Variants in BCAS3 observed in about 807,000 individuals in gnomAD.
The protein encoded by BCAS3 is BCAS4/BCAS3 fusion.
Under a neutral mutation model 116.1 loss-of-function variants are expected in BCAS3, and 53 were observed. The ratio of observed to expected loss-of-function variants is 0.46; its 90% CI spans 0.37 to 0.57. BCAS3 has a LOEUF of 0.57. BCAS3 is among the 20% of genes least tolerant of loss of function. The pLI is 0.00. For missense variants in BCAS3, 917 were observed against 1,165.4 expected (o/e 0.79, Z 3.10); for synonymous variants, 391 against 408.2 (o/e 0.96, Z 0.51).
At chr17:61,331,672 A>G (rs964678869) in intron 22 of BCAS3, among the ~76,000 whole-genome samples, 1 of 152,220 alleles carries the variant, frequency 6.6e-6, no homozygotes, top group Non-Finnish European at 1.5e-5. Flanking sequence ...GGAAGGAAAA[A>G]AAGAAAAAGG....
chr17:60,810,965 TG>T (rs2048755168), intron 7 of BCAS3: 3 of 677,680 alleles, frequency 4.4e-6, no homozygotes, highest in Non-Finnish European at 8.2e-6. Context: ...CAAGAGGAGC[TG>T]GACAAGTACT....
Position 61,194,850 on chromosome 17 carries a change from C to A in BCAS3, c.2425+110286C>A, listed in dbSNP as rs190548492. Among the ~76,000 whole-genome samples the A allele has an allele frequency of 2.0e-5, 3 of 151,850 alleles. No individual in the cohort carries two copies. The East Asian group carries it at 5.8e-4, about 29-fold the overall frequency. The stretch of plus-strand genomic sequence containing the variant: ...TGAAAATGCCTATATTAGGAAATAT[C>A]TTCACTTTCCATCTCCAGCTCCCCT... On this transcript the variant is annotated intron_variant, in intron 22 of 23. Coordinates refer to ENST00000407086, the MANE Select transcript of BCAS3 (RefSeq NM_017679.5).
intron 16 of BCAS3, among the ~76,000 whole-genome samples, chr17:61,033,509 G>A (rs1043994492): frequency 5.9e-5 from 9 of 152,108 alleles, no homozygotes; most frequent in African/African-American, 2.2e-4. Flanking sequence ...TGCCAGCACT[G>A]GGATTCAACT....
rs76185121 is a variant in BCAS3 at position 61,158,561 on chromosome 17, T to C, written c.2425+73997T>C. 2.6e-4 allele frequency among the ~76,000 whole-genome samples: 40 copies of C among 152,340 alleles called. No homozygotes were observed. The East Asian group carries it at 7.7e-3, about 29-fold the overall frequency. On this transcript the variant is annotated intron_variant, in intron 22 of 23. Transcript: ENST00000407086. ...ACTGAGGTTAGACAGATTGCATTAC[T>C]CTTGCATCAAATATCATGCTATCTT...
At position 61,008,075 on chromosome 17, in the gene BCAS3, T is replaced by G. The variant is rs1299645437; in HGVS notation, c.1487-7676T>G. On this transcript the variant is annotated intron_variant, in intron 15 of 23. Transcript: ENST00000407086. This position sits in a 1 kb window ranked among gnomAD's most constrained non-coding sequence, Gnocchi z 4.6. ...ACACACACACACACATAAAATTCAT[T>G]TTCTTTTAGTGTGTGTTCTACTCTC... 1.3e-5 allele frequency among the ~76,000 whole-genome samples: 2 copies of G among 152,052 alleles called. No homozygotes were observed. The highest frequency in any genetic ancestry group is 4.8e-5 in the African/African-American group (2 of 41,420).
intron 22 of BCAS3, among the ~76,000 whole-genome samples, chr17:61,094,367 C>T (rs947464084): frequency 3.3e-4 from 50 of 152,298 alleles, no homozygotes; most frequent in African/African-American, 1.1e-3. Context: ...CTGAATAAAA[C>T]AAACTATGTT....
At chr17:60,694,647 ATTT>A (rs112280067) in intron 4 of BCAS3, among the ~76,000 whole-genome samples, 1 of 142,590 alleles carries the variant, frequency 7.0e-6, no homozygotes, top group African/African-American at 2.6e-5. Context: ...CATGGTCTTA[ATTT>A]TTTTTTTTTT....
chr17:60,740,847 G>A (rs933933943), intron 5 of BCAS3, among the ~76,000 whole-genome samples: 14 of 152,122 alleles, frequency 9.2e-5, no homozygotes, highest in African/African-American at 3.4e-4. Flanking sequence ...ATCTGGTCTG[G>A]CATGTTTCAA....
chr17:60,958,484 A>G (rs1163493030), intron 14 of BCAS3, among the ~76,000 whole-genome samples: 1 of 152,240 alleles, frequency 6.6e-6, no homozygotes, highest in South Asian at 2.1e-4. Flanking sequence ...AGTGTATACT[A>G]CTGACATTCA....
rs1224757396 is a variant in BCAS3 at position 61,233,580 on chromosome 17, G to T, written c.2426-134747G>T. On this transcript the variant is annotated intron_variant, in intron 22 of 23. Transcript: ENST00000407086. This position sits in a 1 kb window ranked among gnomAD's most constrained non-coding sequence, Gnocchi z 4.3. Reference sequence around the variant, plus strand: ...TTGATTTGGAGATGAAGCATATACCGAACTTGAAGACTGGAGAGGTATTTT... The same window carrying T: ...TTGATTTGGAGATGAAGCATATACCTAACTTGAAGACTGGAGAGGTATTTT... 6.6e-6 allele frequency among the ~76,000 whole-genome samples: 1 copy of T among 152,194 alleles called. No homozygotes were observed. Among genetic ancestry groups the T allele is most frequent in the South Asian group, 2.1e-4 (1 of 4,826 alleles).
At position 61,105,530 on chromosome 17, in the gene BCAS3, T is replaced by A; in HGVS notation, c.2425+20966T>A. ...AGCTCTGTCTCCTAGATTCAAGTGA[T>A]TCTCCTGCCTCAGCCCCATGAGTAG... On this transcript the variant is annotated intron_variant, in intron 22 of 23. Transcript: ENST00000407086. The surrounding 1 kb of genome is among the most constrained non-coding windows in gnomAD (Gnocchi z 4.3). Among the ~76,000 whole-genome samples the A allele has an allele frequency of 6.6e-6, 1 of 152,218 alleles. No homozygotes were observed. Among genetic ancestry groups the A allele is most frequent in the Non-Finnish European group, 1.5e-5 (1 of 68,020 alleles).
chr17:61,214,308 G>C lies in BCAS3; in HGVS notation c.2425+129744G>C, dbSNP rs1017079229. On this transcript the variant is annotated intron_variant, in intron 22 of 23. Transcript: ENST00000407086. The surrounding 1 kb of genome is among the most constrained non-coding windows in gnomAD (Gnocchi z 4.4). ...TTTGAACCTGGGAGGTGGAGGTTGC[G>C]GTGAGCTGAGATCATGCCATTGCAC... Among the ~76,000 whole-genome samples the C allele has an allele frequency of 1.3e-5, 2 of 151,752 alleles. No homozygotes were observed. The highest frequency in any genetic ancestry group is 2.9e-5 in the Non-Finnish European group (2 of 67,958).
intron 16 of BCAS3, among the ~76,000 whole-genome samples, chr17:61,024,892 C>T (rs2066123883): frequency 6.6e-6 from 1 of 151,898 alleles, no homozygotes; most frequent in Non-Finnish European, 1.5e-5. Context: ...TATAATAAAT[C>T]AATATGCTGA....
Position 61,126,099 on chromosome 17 carries a change from C to T in BCAS3, c.2425+41535C>T, listed in dbSNP as rs2076033958. On this transcript the variant is annotated intron_variant, in intron 22 of 23. Coordinates refer to ENST00000407086, the MANE Select transcript of BCAS3 (RefSeq NM_017679.5). The surrounding 1 kb of genome is among the most constrained non-coding windows in gnomAD (Gnocchi z 4.6). ...TAATAAATTGTGAATGAATCTTTTG[C>T]TTTTTACTTAAGATTACTTTATCCT... is the stretch of plus-strand genomic sequence containing the variant. Among the ~76,000 whole-genome samples the T allele has an allele frequency of 6.6e-6, 1 of 152,098 alleles. No individual in the cohort carries two copies.
intron 22 of BCAS3, among the ~76,000 whole-genome samples, chr17:61,191,069 A>AAAT (rs961341022): frequency 2.0e-5 from 3 of 151,836 alleles, no homozygotes; most frequent in Non-Finnish European, 2.9e-5. Flanking sequence ...GACACTGTCA[A>AAAT]AATAATAATA....
intron 21 of BCAS3, among the ~76,000 whole-genome samples, chr17:61,080,005 A>C (rs2072425977): frequency 1.3e-5 from 2 of 149,528 alleles, no homozygotes; most frequent in South Asian, 2.1e-4. Flanking sequence ...CCTGTATTCA[A>C]GCGATTCTCC....
chr17:61,089,444 G>T (rs1295576080), intron 22 of BCAS3, among the ~76,000 whole-genome samples: 2 of 139,082 alleles, frequency 1.4e-5, no homozygotes, highest in Non-Finnish European at 3.1e-5. Flanking sequence ...ATCATATAGA[G>T]ATTTTGTTCA....
At position 61,051,396 on chromosome 17, in the gene BCAS3, TA is replaced by T. The variant is rs2068844369; in HGVS notation, c.2029+10505del. On this transcript the variant is annotated intron_variant, in intron 19 of 23. Coordinates refer to ENST00000407086, the MANE Select transcript of BCAS3 (RefSeq NM_017679.5). The surrounding 1 kb of genome is among the most constrained non-coding windows in gnomAD (Gnocchi z 4.1). ...GATTGTAGTGGAGGTTACACCAATT[TA>T]CACATGTGATAAAATTGAATAGACC... 6.7e-6 allele frequency among the ~76,000 whole-genome samples: 1 copy of T among 149,688 alleles called. No individual in the cohort carries two copies. Among genetic ancestry groups the T allele is most frequent in the Admixed American group, 6.6e-5 (1 of 15,102 alleles).
chr17:60,685,348 G>C (rs2033853603), intron 3 of BCAS3, among the ~76,000 whole-genome samples: 1 of 151,634 alleles, frequency 6.6e-6, no homozygotes, highest in Non-Finnish European at 1.5e-5. Context: ...ACTCAGGAAG[G>C]CTGAGGCAGG....
Sources: allele counts gnomAD v4.1 joint callset (sites outside exome capture counted in the v4.1 genomes callset), GRCh38; gene constraint gnomAD v4.1.1; non-coding constraint Gnocchi (gnomAD v3.1); transcripts MANE v1.5; gene names NCBI Gene and HGNC (gene_info 2026-07-23, HGNC 2026-07-21).